The following RIMBP2 variants were observed in gnomAD, a reference collection of about 807,000 sequenced individuals.
RIMBP2 encodes RIMS-binding protein 2.
Under a neutral mutation model 118.6 loss-of-function variants are expected in RIMBP2, and 48 were observed. That is an observed-to-expected ratio of 0.40 (90% confidence interval 0.32 to 0.51). The LOEUF (loss-of-function observed/expected upper bound fraction) is 0.51. Among genes scored for constraint, RIMBP2 ranks in the 20% least tolerant of loss-of-function variants. The pLI, the probability that RIMBP2 is intolerant of heterozygous loss-of-function variation, is 0.41. For synonymous variants in RIMBP2, 762 were observed against 742.9 expected, an observed-to-expected ratio of 1.03 and a Z score of -0.42; for missense variants, 1,551 against 1,768.3, an observed-to-expected ratio of 0.88 and a Z score of 2.20.
At chr12:130,437,662 T>C (rs1410011332) in intron 12 of RIMBP2, among the ~76,000 whole-genome samples, 1 of 152,124 alleles carries the variant, frequency 6.6e-6, no homozygotes, top group African/African-American at 2.4e-5. Context: ...GAGGCCAACG[T>C]GGGCTTCCGA....
intron 1 of RIMBP2, among the ~76,000 whole-genome samples, chr12:130,691,894 T>G (rs997329411): frequency 2.0e-5 from 3 of 152,044 alleles, no homozygotes; most frequent in African/African-American, 7.2e-5. Context: ...AGGCCCTGGG[T>G]GGTTAGAGCG....
At chr12:130,465,052 CT>C (rs2080332460) in intron 6 of RIMBP2, 1 of 152,250 alleles carries the variant, frequency 6.6e-6, no homozygotes, top group Non-Finnish European at 1.5e-5. Flanking sequence ...CAAAACACAA[CT>C]GTTAGGATTA....
intron 4 of RIMBP2, among the ~76,000 whole-genome samples, chr12:130,503,810 T>G (rs2050039512): frequency 6.6e-6 from 1 of 152,228 alleles, no homozygotes; most frequent in East Asian, 1.9e-4. Context: ...GGAGTAACTA[T>G]GTTCAGCCTC....
intron 5 of RIMBP2, among the ~76,000 whole-genome samples, chr12:130,474,721 G>A (rs2081289759): frequency 6.6e-6 from 1 of 152,186 alleles, no homozygotes; most frequent in Non-Finnish European, 1.5e-5. Context: ...GGGAGAGGAG[G>A]AAGCAGCTGC....
intron 1 of RIMBP2, among the ~76,000 whole-genome samples, chr12:130,689,312 A>T (rs188599797): frequency 6.6e-6 from 1 of 152,268 alleles, no homozygotes; most frequent in African/African-American, 2.4e-5. Flanking sequence ...GCGTGCCTGT[A>T]ATTCCAGCTA....
At chr12:130,556,389 G>A (rs2139810863) in intron 2 of RIMBP2, among the ~76,000 whole-genome samples, 1 of 152,322 alleles carries the variant, frequency 6.6e-6, no homozygotes, top group African/African-American at 2.4e-5. Flanking sequence ...CTTACCATTT[G>A]TCTAAGATAA....
At chr12:130,573,773 C>A (rs1043403387) in intron 2 of RIMBP2, among the ~76,000 whole-genome samples, 9 of 152,046 alleles carry the variant, frequency 5.9e-5, no homozygotes, top group Admixed American at 4.6e-4. Context: ...AGCCGAGCTG[C>A]CAAACTTTGG....
chr12:130,687,414 C>A (rs532240431), intron 1 of RIMBP2, among the ~76,000 whole-genome samples: 4 of 152,244 alleles, frequency 2.6e-5, no homozygotes, highest in African/African-American at 9.6e-5. Context: ...GTCGCCCACG[C>A]CCCCCAGCAC....
At chr12:130,610,218 C>G (rs1255386387) in intron 2 of RIMBP2, among the ~76,000 whole-genome samples, 1 of 151,266 alleles carries the variant, frequency 6.6e-6, no homozygotes, top group African/African-American at 2.4e-5. Context: ...CGGTCCCTCC[C>G]GTTCTGGGGG....
In RIMBP2 at chr12:130,622,566, G is replaced by A. The variant is rs531416295; in HGVS notation, c.-217+5756C>T. ...TGGTCCCAAACTCCTGGACTCAAGC[G>A]ATCCTCCCACCTTTGCCTCCCACAG... is the stretch of plus-strand genomic sequence containing the variant. On this transcript the variant is annotated intron_variant, in intron 2 of 22. Coordinates refer to ENST00000690449, the MANE Select transcript of RIMBP2 (RefSeq NM_001393629.1). This position sits in a 1 kb window ranked among gnomAD's most constrained non-coding sequence, Gnocchi z 8.5. Among the ~76,000 whole-genome samples, 40 of 152,020 alleles carry A rather than the reference G, an allele frequency of 2.6e-4. No homozygotes were observed. The highest frequency in any genetic ancestry group is 9.7e-4 in the East Asian group (5 of 5,174).
chr12:130,689,187 G>A (rs112037422), intron 1 of RIMBP2, among the ~76,000 whole-genome samples: 5,177 of 152,202 alleles, frequency 0.034, 296 homozygotes, highest in African/African-American at 0.12. Context: ...AGTGGCTCAC[G>A]CCTGTAATCC....
intron 1 of RIMBP2, among the ~76,000 whole-genome samples, chr12:130,646,214 T>A (rs61936794): frequency 0.035 from 457 of 12,912 alleles, 42 homozygotes; most frequent in Middle Eastern, 0.091. Flanking sequence ...CACCTCCCTC[T>A]CCACCTCCCT....
intron 4 of RIMBP2, among the ~76,000 whole-genome samples, chr12:130,480,168 A>G (rs2138124801): frequency 1.3e-5 from 2 of 150,240 alleles, no homozygotes; most frequent in East Asian, 4.0e-4. Flanking sequence ...CAGCTGCAAA[A>G]TGCTAGAATT....
At chr12:130,526,790 T>C (rs1413188666) in intron 2 of RIMBP2, among the ~76,000 whole-genome samples, 1 of 152,114 alleles carries the variant, frequency 6.6e-6, no homozygotes, top group Non-Finnish European at 1.5e-5. Flanking sequence ...TCAATTATAA[T>C]AACGTAAAAT....
At chr12:130,589,120 C>T (rs536792901) in intron 2 of RIMBP2, among the ~76,000 whole-genome samples, 1 of 152,298 alleles carries the variant, frequency 6.6e-6, no homozygotes, top group East Asian at 1.9e-4. Context: ...AGTGACTCTA[C>T]CCTCATATCC....
At chr12:130,626,047 T>A (rs1228503672) in intron 2 of RIMBP2, among the ~76,000 whole-genome samples, 3 of 152,188 alleles carry the variant, frequency 2.0e-5, no homozygotes, top group Non-Finnish European at 4.4e-5. Context: ...ATAATGAAAA[T>A]GAAAGGGTTT....
chr12:130,472,233 G>T (rs2081069411), intron 5 of RIMBP2: 1 of 152,264 alleles, frequency 6.6e-6, no homozygotes, highest in Non-Finnish European at 1.5e-5. Context: ...TTTCCTGTTT[G>T]GGTTTTCTGT....
chr12:130,569,970 T>G (rs1040166542), intron 2 of RIMBP2, among the ~76,000 whole-genome samples: 1 of 152,220 alleles, frequency 6.6e-6, no homozygotes, highest in Admixed American at 6.5e-5. Context: ...TACCTTACTC[T>G]GCACACACTC....
At chr12:130,635,883 G>A (rs1183055543) in intron 1 of RIMBP2, among the ~76,000 whole-genome samples, 1 of 151,760 alleles carries the variant, frequency 6.6e-6, no homozygotes, top group Non-Finnish European at 1.5e-5. Context: ...TTCTCCTACT[G>A]GGGCCCCCTA....
Sources: gnomAD v4.1 joint callset for allele counts (sites outside exome capture counted in the v4.1 genomes callset) on GRCh38, gnomAD v4.1.1 for gene constraint, Gnocchi (gnomAD v3.1) non-coding constraint, MANE v1.5 for transcripts, NCBI Gene and HGNC (gene_info 2026-07-23, HGNC 2026-07-21) for gene names.